SPG11: variants seen among roughly 807,000 people sequenced by gnomAD.
SPG11 encodes SPG11 vesicle trafficking associated, spatacsin.
A neutral mutation model predicts 274.0 loss-of-function variants in SPG11; 222 were observed. That is an observed-to-expected ratio of 0.81 (90% CI 0.73 to 0.91). The LOEUF is 0.91. Ranked by LOEUF, SPG11 falls within the 40% of genes least tolerant of loss-of-function variation. The probability of loss-of-function intolerance (pLI) is 0.00; values close to 1 mark genes in which losing one functional copy is unlikely to be tolerated. For missense variants in SPG11, 3,114 were observed against 2,872.7 expected (o/e 1.08, Z -1.92); for synonymous variants, 1,144 against 1,039.7 (o/e 1.10, Z -1.93).
chr15:44,573,603 G>C lies in SPG11; in HGVS notation c.6149C>G (p.Ala2050Gly), dbSNP rs2082471704. The change falls in exon 32 of 40, where the codon GCT (alanine) becomes GGT (glycine). Residue 2050 changes from alanine (A) to glycine (G), a missense_variant. Ala to Gly is a moderately conservative substitution (Grantham distance 60). Transcript: ENST00000261866. ...STQGLKPDTV[A>G]ELVAEEVTRE... Reference sequence around the variant, plus strand: ...TGTCACCTCTTCTGCCACGAGTTCAGCCACAGTATCTGGCTTAAGGCCCTG... The same window carrying C: ...TGTCACCTCTTCTGCCACGAGTTCACCCACAGTATCTGGCTTAAGGCCCTG... 1.2e-6 allele frequency: 2 copies of C among 1,614,058 alleles called. No homozygotes were observed. Among genetic ancestry groups the C allele is most frequent in the Non-Finnish European group, 1.7e-6 (2 of 1,180,048 alleles).
rs2082749357 is a variant in SPG11 at position 44,585,773 on chromosome 15, T to C, written c.4984A>G (p.Thr1662Ala). Residue 1662 changes from threonine to alanine, a missense_variant, in exon 29 of 40, where the codon ACC becomes GCC. By Grantham distance (58) the Thr-to-Ala change is moderately conservative (BLOSUM62 0). Coordinates refer to ENST00000261866, the MANE Select transcript of SPG11 (RefSeq NM_025137.4). ...TSIAINHTII[T>A]SYSIENLQHE... ...TGAAGATTCTCAATGCTGTAGCTGG[T>C]AATAATTGTATGATTAATGGCTATG... is the stretch of plus-strand genomic sequence containing the variant. The C allele has an allele frequency of 1.2e-6, 2 of 1,613,984 alleles. No individual in the cohort carries two copies. The highest frequency in any genetic ancestry group is 1.7e-6 in the Non-Finnish European group (2 of 1,180,020).
At chr15:44,655,600 T>C (rs2084917436) in intron 4 of SPG11, among the ~76,000 whole-genome samples, 1 of 152,048 alleles carries the variant, frequency 6.6e-6, no homozygotes, top group Admixed American at 6.6e-5. Context: ...TTTCTGTAGC[T>C]TACTTTATTG....
intron 20 of SPG11, among the ~76,000 whole-genome samples, chr15:44,605,592 T>A (rs906429589): frequency 5.9e-5 from 9 of 152,208 alleles, no homozygotes; most frequent in African/African-American, 1.9e-4. Context: ...CTCCTTTTAT[T>A]CTCATAGTAA....
chr15:44,662,968 GA>G (rs1394667743), intron 1 of SPG11, among the ~76,000 whole-genome samples: 2 of 152,224 alleles, frequency 1.3e-5, no homozygotes. Context: ...TCAAGGACAT[GA>G]AAAAAGTATC....
Position 44,584,382 on chromosome 15 carries a change from C to G in SPG11, c.5298G>C (p.Trp1766Cys), listed in dbSNP as rs1167979008. ...AHVACEHPTG[W>C]SSMEERHLLL... ...GCAGATGGCGCTCCTCCATGCTGCT[C>G]CATCCAGTTGGGTGCTCACATGCCA... Residue 1766 changes from tryptophan to cysteine, a missense_variant, in exon 30 of 40, where the codon TGG (tryptophan) becomes TGC (cysteine). By Grantham distance (215) the Trp-to-Cys change is radical. Coordinates refer to ENST00000261866, the MANE Select transcript of SPG11 (RefSeq NM_025137.4). 2 of 1,613,648 alleles carry G rather than the reference C, an allele frequency of 1.2e-6. No individual in the cohort carries two copies. Among genetic ancestry groups the G allele is most frequent in the Non-Finnish European group, 1.7e-6 (2 of 1,179,704 alleles).
rs5812279 is a variant in SPG11 at position 44,596,660 on chromosome 15, CAAAAAAAAAAAAA to C, written c.4161+111_4161+123del. ...CCATGTATCCAGTACGTATCCTGGT[CAAAAAAAAAAAAA>C]AAAAAAAAAAAAAAAAAGGCCTATG... On this transcript the variant is annotated intron_variant, in intron 24 of 39. Transcript: ENST00000261866. 3.7e-4 allele frequency: 100 copies of C among 271,434 alleles called. 1 individual carries two copies. The African/African-American group carries it at 4.3e-3, about 12-fold the overall frequency. 16.8% of individuals were successfully genotyped at this position (271,434 alleles called of 1,614,324 possible).
chr15:44,572,389 T>A, intron 33 of SPG11: 1 of 391,844 alleles, frequency 2.6e-6, no homozygotes, highest in Non-Finnish European at 4.8e-6. Context: ...AAGGTAAAGT[T>A]TGTCTCCCTT....
chr15:44,636,519 G>T (rs138469090), intron 7 of SPG11, among the ~76,000 whole-genome samples: 1 of 151,754 alleles, frequency 6.6e-6, no homozygotes, highest in Non-Finnish European at 1.5e-5. Context: ...AAAATTAGCC[G>T]GGCGTGGTGG....
chr15:44,651,378 A>G, intron 6 of SPG11, 113 bp downstream of exon 6: 4 of 915,950 alleles, frequency 4.4e-6, no homozygotes, highest in Non-Finnish European at 5.1e-6. Flanking sequence ...CTTCCTCTAT[A>G]AACAATTACA....
chr15:44,563,321 GT>G lies in SPG11; in HGVS notation c.7152-21del. On this transcript the variant is annotated intron_variant, in intron 39 of 39. Transcript: ENST00000261866. ...TTATATCTAGATAAAGAAACATAATGTACAGGTTAAGATACTGTTTTTTGTT... is the reference window on the plus strand; with the variant it reads ...TTATATCTAGATAAAGAAACATAATGACAGGTTAAGATACTGTTTTTTGTT... 6.2e-7 allele frequency: 1 copy of G among 1,604,452 alleles called. No individual in the cohort carries two copies.
chr15:44,592,074 G>A lies in SPG11; in HGVS notation c.4743+257C>T, dbSNP rs184245230. Among the ~76,000 whole-genome samples, 176 of 148,354 alleles carry A rather than the reference G, an allele frequency of 1.2e-3. 2 individuals carry two copies. Among genetic ancestry groups the A allele is most frequent in the Non-Finnish European group, 5.6e-4 (38 of 67,486 alleles). On this transcript the variant is annotated intron_variant, in intron 27 of 39. Coordinates refer to ENST00000261866, the MANE Select transcript of SPG11 (RefSeq NM_025137.4). ...TACAGTGAGCGGAGATCATGCCACC[G>A]CACTCCAGCCTGGGCGACAGAGCCA...
chr15:44,588,368 T>G (rs892533180), intron 28 of SPG11, among the ~76,000 whole-genome samples: 2 of 151,360 alleles, frequency 1.3e-5, no homozygotes, highest in African/African-American at 4.9e-5. Context: ...ATTTCTGAAA[T>G]AGGGTTTGTG....
In SPG11 at chr15:44,652,216, A is replaced by G. The variant is rs2084803741; in HGVS notation, c.920T>C (p.Ile307Thr). 6.2e-7 allele frequency: 1 copy of G among 1,614,008 alleles called. No individual in the cohort carries two copies. Among genetic ancestry groups the G allele is most frequent in the Non-Finnish European group, 8.5e-7 (1 of 1,180,006 alleles). The change falls in exon 5 of 40, where the codon ATT (isoleucine) becomes ACT (threonine). Residue 307 changes from isoleucine to threonine, a missense_variant. Ile to Thr is a moderately conservative substitution (Grantham distance 89). Coordinates refer to ENST00000261866, the MANE Select transcript of SPG11 (RefSeq NM_025137.4). ...LCERILEDLP[I>T]QGPKGVDEDD... is the part of the protein sequence containing the mutation. Reference sequence around the variant, plus strand: ...TTCATCTACGCCCTTAGGTCCTTGAATAGGAAGATCTTCTAGTATTCTTTC... The same window carrying G: ...TTCATCTACGCCCTTAGGTCCTTGAGTAGGAAGATCTTCTAGTATTCTTTC...
intron 30 of SPG11, among the ~76,000 whole-genome samples, chr15:44,581,907 A>G (rs961213230): frequency 9.9e-5 from 15 of 152,162 alleles, no homozygotes; most frequent in African/African-American, 3.6e-4. Context: ...AAACTATACA[A>G]AGATGCAGAG....
At chr15:44,654,078 G>A (rs973284854) in intron 4 of SPG11, among the ~76,000 whole-genome samples, 12 of 152,048 alleles carry the variant, frequency 7.9e-5, no homozygotes, top group Non-Finnish European at 1.5e-4. Context: ...CTCAGCCTCC[G>A]GAGTAGCTGA....
chr15:44,658,449 T>A (rs2085002487), intron 3 of SPG11, among the ~76,000 whole-genome samples: 1 of 151,486 alleles, frequency 6.6e-6, no homozygotes, highest in Non-Finnish European at 1.5e-5. Context: ...AAGACATGTA[T>A]CACAACATAA....
At chr15:44,635,978 C>G (rs2084237612) in intron 7 of SPG11, among the ~76,000 whole-genome samples, 1 of 151,728 alleles carries the variant, frequency 6.6e-6, no homozygotes, top group Admixed American at 6.6e-5. Flanking sequence ...GCATAAGAAT[C>G]ACCTGGAGAA....
At chr15:44,571,286 C>A (rs960128984) in intron 33 of SPG11, among the ~76,000 whole-genome samples, 3 of 152,076 alleles carry the variant, frequency 2.0e-5, no homozygotes, top group Admixed American at 6.5e-5. Flanking sequence ...ATCCTTCAGG[C>A]CTTCGTTTGG....
chr15:44,634,992 G>A (rs1219276231), intron 7 of SPG11, among the ~76,000 whole-genome samples: 5 of 152,068 alleles, frequency 3.3e-5, no homozygotes, highest in Non-Finnish European at 7.4e-5. Context: ...GAGGCAGGTG[G>A]ATCAGCTGAG....
Sources: allele counts gnomAD v4.1 joint callset (sites outside exome capture counted in the v4.1 genomes callset), GRCh38; gene constraint gnomAD v4.1.1; transcripts MANE v1.5; gene names NCBI Gene and HGNC (gene_info 2026-07-23, HGNC 2026-07-21).